The following SH3RF3 variants were observed in gnomAD, a reference collection of about 807,000 sequenced individuals.
SH3RF3 encodes SH3 domain containing ring finger 3.
SH3RF3 carries 29 observed loss-of-function variants against 66.3 expected under a neutral mutation model. The observed-to-expected ratio is 0.44, with a 90% CI of 0.33 to 0.60. The LOEUF (loss-of-function observed/expected upper bound fraction) is 0.60. Among genes scored for constraint, SH3RF3 ranks in the 20% least tolerant of loss-of-function variants. The pLI, the probability that SH3RF3 is intolerant of heterozygous loss-of-function variation, is 0.04. For missense variants in SH3RF3, 1,194 were observed against 1,190.9 expected, an observed-to-expected ratio of 1.00 and a Z score of -0.04; for synonymous variants, 583 against 532.0, an observed-to-expected ratio of 1.10 and a Z score of -1.32.
At chr2:109,286,901 G>A (rs957438540) in intron 1 of SH3RF3, among the ~76,000 whole-genome samples, 1 of 152,200 alleles carries the variant, frequency 6.6e-6, no homozygotes, top group Admixed American at 6.5e-5. Context: ...AGCAGTCAAT[G>A]CTGTGAGTCT....
chr2:109,446,396 T>G (rs974071931), intron 7 of SH3RF3, among the ~76,000 whole-genome samples: 1 of 152,230 alleles, frequency 6.6e-6, no homozygotes, highest in Non-Finnish European at 1.5e-5. Flanking sequence ...GGAGCTCCGT[T>G]GCACAGTGGG....
intron 5 of SH3RF3, among the ~76,000 whole-genome samples, chr2:109,423,176 G>A (rs933157923): frequency 1.3e-5 from 2 of 152,096 alleles, no homozygotes; most frequent in African/African-American, 4.8e-5. Context: ...CAGGAGCCCA[G>A]AGAAAGACTT....
At chr2:109,142,656 C>T (rs574695134) in intron 1 of SH3RF3, among the ~76,000 whole-genome samples, 7 of 152,078 alleles carry the variant, frequency 4.6e-5, no homozygotes, top group Non-Finnish European at 7.4e-5. Flanking sequence ...ATCTTGGAGC[C>T]CTCCATCCTG....
intron 1 of SH3RF3, among the ~76,000 whole-genome samples, chr2:109,346,192 T>TC (rs1238587624): frequency 1.1e-4 from 16 of 152,214 alleles, no homozygotes; most frequent in Admixed American, 8.5e-4. Flanking sequence ...ATTTTTTTTT[T>TC]CTCTTCGAGT....
At chr2:109,295,532 G>T (rs1393343036) in intron 1 of SH3RF3, among the ~76,000 whole-genome samples, 1 of 152,248 alleles carries the variant, frequency 6.6e-6, no homozygotes, top group Non-Finnish European at 1.5e-5. Context: ...TTGTGAAGAA[G>T]GGGGCTTCAT....
At chr2:109,484,229 G>T (rs998696198) in intron 8 of SH3RF3, among the ~76,000 whole-genome samples, 2 of 152,080 alleles carry the variant, frequency 1.3e-5, no homozygotes, top group Non-Finnish European at 2.9e-5. Flanking sequence ...ACCACGCTCA[G>T]CTAATTCTCA....
intron 1 of SH3RF3, among the ~76,000 whole-genome samples, chr2:109,238,177 G>T (rs1394547924): frequency 6.6e-6 from 1 of 152,088 alleles, no homozygotes; most frequent in African/African-American, 2.4e-5. Context: ...TCTAGCTTGG[G>T]TGACAGAGTG....
intron 1 of SH3RF3, among the ~76,000 whole-genome samples, chr2:109,197,515 TC>T (rs201898174): frequency 0.042 from 6,315 of 152,046 alleles, 407 homozygotes; most frequent in African/African-American, 0.14. Flanking sequence ...TACTCAGGAG[TC>T]AGATGCCCAT....
At chr2:109,222,116 G>A (rs537626536) in intron 1 of SH3RF3, among the ~76,000 whole-genome samples, 20 of 152,170 alleles carry the variant, frequency 1.3e-4, no homozygotes, top group Non-Finnish European at 2.2e-4. Context: ...AATATTGGAC[G>A]ATCTCACTCA....
chr2:109,238,931 GAC>G (rs1460279887), intron 1 of SH3RF3, among the ~76,000 whole-genome samples: 2 of 152,160 alleles, frequency 1.3e-5, no homozygotes, highest in Non-Finnish European at 2.9e-5. Flanking sequence ...ATGCATCAGA[GAC>G]AACAGATGAG....
chr2:109,486,168 C>T (rs1454989801), intron 8 of SH3RF3, among the ~76,000 whole-genome samples: 2 of 152,246 alleles, frequency 1.3e-5, no homozygotes, highest in Admixed American at 1.3e-4. Context: ...TCTTTGTCGT[C>T]TGGAAATCAC....
chr2:109,143,762 CAAAACAAA>C (rs1375016021), intron 1 of SH3RF3, among the ~76,000 whole-genome samples: 1 of 117,988 alleles, frequency 8.5e-6, no homozygotes, highest in Non-Finnish European at 2.1e-5. Context: ...TGAAACAAAA[CAAAACAAA>C]CAAACAAACA....
At chr2:109,414,790 C>G (rs1559070915) in intron 4 of SH3RF3, among the ~76,000 whole-genome samples, 1 of 152,226 alleles carries the variant, frequency 6.6e-6, no homozygotes, top group African/African-American at 2.4e-5. Flanking sequence ...AGCAGCATTT[C>G]CATCTGGCCA....
chr2:109,129,906 T>C lies in SH3RF3; in HGVS notation c.366T>C (p.Arg122=). The change falls in exon 1 of 10, where the codon CGT becomes CGC. Residue 122 remains arginine, a synonymous_variant. Transcript: ENST00000309415. Reference sequence around the variant, plus strand: ...TGGTGCGACTGCTGGACGGCATCCGTCAGCGGCCCCGCGCGGGCACCAGCC... The same window carrying C: ...TGGTGCGACTGCTGGACGGCATCCGCCAGCGGCCCCGCGCGGGCACCAGCC... The part of the protein sequence containing the change: ...ILLVRLLDGI[R]QRPRAGTSPG... The C allele has an allele frequency of 6.6e-7, 1 of 1,506,530 alleles. No homozygotes were observed. Among genetic ancestry groups the C allele is most frequent in the East Asian group, 2.7e-5 (1 of 37,148 alleles). 93.3% of individuals were successfully genotyped at this position (1,506,530 alleles called of 1,614,324 possible).
chr2:109,486,799 C>CA (rs1227576611), intron 8 of SH3RF3, among the ~76,000 whole-genome samples: 1 of 152,188 alleles, frequency 6.6e-6, no homozygotes. Flanking sequence ...AGAGACATCC[C>CA]AGCAGGGCGA....
At chr2:109,227,988 G>A (rs754115370) in intron 1 of SH3RF3, among the ~76,000 whole-genome samples, 20 of 152,320 alleles carry the variant, frequency 1.3e-4, no homozygotes, top group Non-Finnish European at 2.8e-4. Flanking sequence ...ATTTACATTT[G>A]CTGTGGGTAG....
intron 1 of SH3RF3, among the ~76,000 whole-genome samples, chr2:109,265,516 CTATAGGCCAG>C (rs1214467165): frequency 6.6e-6 from 1 of 152,188 alleles, no homozygotes; most frequent in East Asian, 1.9e-4. Context: ...CCTTAGGCTG[CTATAGGCCAG>C]TATAGGCTGG....
At chr2:109,413,016 A>G (rs567438126) in intron 4 of SH3RF3, among the ~76,000 whole-genome samples, 2 of 152,236 alleles carry the variant, frequency 1.3e-5, no homozygotes, top group South Asian at 2.1e-4. Context: ...CCAGCCCCAC[A>G]CCCTGGAACT....
intron 1 of SH3RF3, among the ~76,000 whole-genome samples, chr2:109,155,176 A>G (rs1045226982): frequency 6.6e-6 from 1 of 152,186 alleles, no homozygotes; most frequent in Non-Finnish European, 1.5e-5. Context: ...TTTGCAAACT[A>G]CAACTTGCTA....
Sources: allele counts gnomAD v4.1 joint callset (sites outside exome capture counted in the v4.1 genomes callset), GRCh38; gene constraint gnomAD v4.1.1; transcripts MANE v1.5; gene names NCBI Gene and HGNC (gene_info 2026-07-23, HGNC 2026-07-21).